Variants in TLX1 observed in about 807,000 individuals in gnomAD.
The protein encoded by TLX1 is T-cell leukemia homeobox protein 1.
In TLX1, 6 loss-of-function variants were observed where a neutral mutation model predicts 26.5. The ratio of observed to expected loss-of-function variants is 0.23; its 90% CI spans 0.12 to 0.45. TLX1 has a LOEUF of 0.45. Among genes scored for constraint, TLX1 ranks in the 20% least tolerant of loss-of-function variants. The pLI is 0.99. For synonymous variants in TLX1, 217 were observed against 219.7 expected (o/e 0.99, Z 0.11); for missense variants, 418 against 482.6 (o/e 0.87, Z 1.25).
chr10:101,135,297 C>A (rs1247051235), intron 2 of TLX1: 1 of 153,470 alleles, frequency 6.5e-6, no homozygotes, highest in Admixed American at 6.5e-5. Context: ...GGCGCCGAGA[C>A]GGGCGGGCCT....
In TLX1 at chr10:101,131,591, T is replaced by C. The variant is rs1940171505; in HGVS notation, c.50T>C (p.Ile17Thr). ...CTCCACCCGGGTCACGCAGAGCCCA[T>C]TAGCTTCGGCATCGACCAGATCCTC... is the stretch of plus-strand genomic sequence containing the variant. ...HHLHPGHAEP[I>T]SFGIDQILNS... Residue 17 changes from isoleucine to threonine, a missense_variant, in exon 1 of 3, where the codon ATT becomes ACT. Physicochemically the swap from Ile to Thr is moderately conservative, Grantham distance 89. Transcript: ENST00000370196. The C allele has an allele frequency of 2.6e-6, 4 of 1,562,568 alleles. No homozygotes were observed. The highest frequency in any genetic ancestry group is 5.2e-5 in the East Asian group (2 of 38,500).
rs1564677737 is a variant in TLX1, at chr10:101,136,719, G to C, written c.799G>C (p.Glu267Gln). 2 of 1,612,966 alleles carry C rather than the reference G, an allele frequency of 1.2e-6. No homozygotes were observed. Among genetic ancestry groups the C allele is most frequent in the Non-Finnish European group, 8.5e-7 (1 of 1,179,986 alleles). Residue 267 changes from glutamate (E) to glutamine (Q), a missense_variant, in exon 3 of 3, where the codon GAG (glutamate) becomes CAG (glutamine). Coordinates refer to ENST00000370196, the MANE Select transcript of TLX1 (RefSeq NM_005521.4). The stretch of plus-strand genomic sequence containing the variant: ...GCAGACTGCGGAGGAACGGGAGGCC[G>C]AGAGGCAGCAAGCGAACCGCATCCT... ...RRQTAEEREAERQQANRILLQ... is the reference protein window; with the variant it reads ...RRQTAEEREAQRQQANRILLQ...
In TLX1 at chr10:101,134,382, C is replaced by A. The variant is rs1450865417; in HGVS notation, c.770+6C>A. On this transcript the variant is annotated splice_donor_region_variant and intron_variant, in intron 2 of 2. Transcript: ENST00000370196. ...AACCGGCGGACAAAGTGGAGGTGAG[C>A]AAGCGGGGCGGGCCGGCCGCCCGCG... 6.4e-7 allele frequency: 1 copy of A among 1,566,582 alleles called. No individual in the cohort carries two copies. The highest frequency in any genetic ancestry group is 8.6e-7 in the Non-Finnish European group (1 of 1,159,146).
chr10:101,131,535 G>A lies in TLX1; in HGVS notation c.-7G>A, dbSNP rs779744037. On this transcript the variant is annotated 5_prime_UTR_variant, in exon 1 of 3. Coordinates refer to ENST00000370196, the MANE Select transcript of TLX1 (RefSeq NM_005521.4). Reference sequence around the variant, plus strand: ...CGCCCGGGCCCCCCGGTGGGGCCAGGGCCAGCATGGAGCACCTGGGTCCGC... The same window carrying A: ...CGCCCGGGCCCCCCGGTGGGGCCAGAGCCAGCATGGAGCACCTGGGTCCGC... 6.7e-7 allele frequency: 1 copy of A among 1,482,484 alleles called. No individual in the cohort carries two copies. The highest frequency in any genetic ancestry group is 8.9e-7 in the Non-Finnish European group (1 of 1,125,162). 91.8% of individuals were successfully genotyped at this position (1,482,484 alleles called of 1,614,324 possible). A position where few individuals can be genotyped will look rare whatever the true frequency, so the allele number is the denominator to read the frequency against.
rs1386844530 is a variant in TLX1, at chr10:101,137,710, A to T, written c.*797A>T. The T allele has an allele frequency of 4.3e-6, 1 of 230,698 alleles. No individual in the cohort carries two copies. Among genetic ancestry groups the T allele is most frequent in the Admixed American group, 5.7e-5 (1 of 17,678 alleles). 14.3% of individuals were successfully genotyped at this position (230,698 alleles called of 1,614,324 possible). Reference sequence around the variant, plus strand: ...GGGGGTGTTAATTTATGCACTTATAAGGTGTTTTCTGTGTAACCATTTTAT... The same window carrying T: ...GGGGGTGTTAATTTATGCACTTATATGGTGTTTTCTGTGTAACCATTTTAT... On this transcript the variant is annotated 3_prime_UTR_variant, in exon 3 of 3. Transcript: ENST00000370196.
At chr10:101,133,821 G>A (rs114292025) in intron 1 of TLX1, among the ~76,000 whole-genome samples, 1,632 of 152,296 alleles carry the variant, frequency 0.011, 39 homozygotes, top group African/African-American at 0.038. Context: ...GAAGGCCTGG[G>A]GCTGACTGAG....
chr10:101,131,735 C>T lies in TLX1; in HGVS notation c.194C>T (p.Ala65Val), dbSNP rs753834322. The part of the protein sequence containing the change: ...YTYGGGGSAA[A>V]TGAGGAGAYG... Reference sequence around the variant, plus strand: ...TACGGCGGCGGGGGCTCCGCGGCCGCGACGGGGGCTGGAGGAGCGGGGGCC... The same window carrying T: ...TACGGCGGCGGGGGCTCCGCGGCCGTGACGGGGGCTGGAGGAGCGGGGGCC... Residue 65 changes from alanine (A) to valine (V), a missense_variant, in exon 1 of 3, where the codon GCG (alanine) becomes GTG (valine). Ala to Val is a moderately conservative substitution (Grantham distance 64). This residue lies in a region of TLX1 where 322 missense variants were observed against 344.6 expected (regional missense o/e 0.93). Coordinates refer to ENST00000370196, the MANE Select transcript of TLX1 (RefSeq NM_005521.4). 4.3e-5 allele frequency: 62 copies of T among 1,438,852 alleles called. No individual in the cohort carries two copies. Among genetic ancestry groups the T allele is most frequent in the Non-Finnish European group, 5.1e-5 (56 of 1,101,928 alleles). The allele number at this position is 1,438,852 out of a possible 1,614,324, so 89.1% of individuals were successfully genotyped here.
Position 101,131,463 on chromosome 10 carries a change from C to G in TLX1, c.-79C>G, listed in dbSNP as rs1940167545. On this transcript the variant is annotated 5_prime_UTR_variant, in exon 1 of 3. Transcript: ENST00000370196. ...GCGCAGCCAGGAGCCGCTGTTGCCT[C>G]CCAGCCCCTGCTAGCTGCCCCCCGA... is the stretch of plus-strand genomic sequence containing the variant. 2.4e-6 allele frequency: 3 copies of G among 1,237,830 alleles called. No individual in the cohort carries two copies. In the African/African-American group the frequency reaches 4.7e-5, roughly 20 times the overall value. The allele number at this position is 1,237,830 out of a possible 1,614,324, so 76.7% of individuals were successfully genotyped here.
rs1400261562 is a variant in TLX1, at chr10:101,132,096, G to A, written c.555G>A (p.Lys185=). 4 of 1,417,596 alleles carry A rather than the reference G, an allele frequency of 2.8e-6. No homozygotes were observed. Among genetic ancestry groups the A allele is most frequent in the Non-Finnish European group, 3.7e-6 (4 of 1,086,862 alleles). The allele number at this position is 1,417,596 out of a possible 1,614,324, so 87.8% of individuals were successfully genotyped here. A position where few individuals can be genotyped will look rare whatever the true frequency, so the allele number is the denominator to read the frequency against. ...TGGAGAGTAACCGCAGATACACAAA[G>A]GACAGGTTCACAGGTGAGTCCGGCC... ...PWMESNRRYT[K]DRFTGHPYQN... is the part of the protein sequence containing the mutation. Residue 185 remains lysine, a synonymous_variant, in exon 1 of 3, where the codon AAG becomes AAA. Coordinates refer to ENST00000370196, the MANE Select transcript of TLX1 (RefSeq NM_005521.4). This position sits in a 1 kb window ranked among gnomAD's most constrained non-coding sequence, Gnocchi z 4.1.
In TLX1 at chr10:101,132,575, C is replaced by T. The variant is rs1590127200; in HGVS notation, c.568+466C>T. On this transcript the variant is annotated intron_variant, in intron 1 of 2. Transcript: ENST00000370196. This position sits in a 1 kb window ranked among gnomAD's most constrained non-coding sequence, Gnocchi z 4.1. ...ACCTCCAGTCCCCTACACACATGCACTTCGCGCCCCTAGCTCCGGTGCCCG... is the reference window on the plus strand; with the variant it reads ...ACCTCCAGTCCCCTACACACATGCATTTCGCGCCCCTAGCTCCGGTGCCCG... Among the ~76,000 whole-genome samples, 1 of 152,154 alleles carries T rather than the reference C, an allele frequency of 6.6e-6. No homozygotes were observed. The highest frequency in any genetic ancestry group is 1.9e-4 in the East Asian group (1 of 5,196).
At chr10:101,136,304 G>A (rs1940292481) in intron 2 of TLX1, among the ~76,000 whole-genome samples, 1 of 152,218 alleles carries the variant, frequency 6.6e-6, no homozygotes, top group Non-Finnish European at 1.5e-5. Flanking sequence ...GGTAGGGTGA[G>A]GGCCCTCTGG....
intron 2 of TLX1, among the ~76,000 whole-genome samples, chr10:101,135,193 T>C (rs1035280244): frequency 2.9e-5 from 3 of 102,576 alleles, no homozygotes; most frequent in Admixed American, 2.0e-4. Flanking sequence ...TCTGGCACGC[T>C]GCACCCTCCC....
intron 1 of TLX1, among the ~76,000 whole-genome samples, chr10:101,133,765 C>G (rs933107389): frequency 9.2e-5 from 14 of 152,150 alleles, no homozygotes; most frequent in Middle Eastern, 6.3e-3. Context: ...TGGATGGAGG[C>G]TCAGGTCGGG....
intron 2 of TLX1, 40 bp downstream of exon 2, chr10:101,134,416 G>T: frequency 6.7e-7 from 1 of 1,497,810 alleles, no homozygotes; most frequent in Non-Finnish European, 8.9e-7. Context: ...CGAGCGGCGC[G>T]GTCTCAGGCA....
At position 101,131,737 on chromosome 10, in the gene TLX1, A is replaced by G. The variant is rs1940176292; in HGVS notation, c.196A>G (p.Thr66Ala). Reference protein sequence around the residue: ...TYGGGGSAAATGAGGAGAYGT... With the variant: ...TYGGGGSAAAAGAGGAGAYGT... ...CGGCGGCGGGGGCTCCGCGGCCGCGACGGGGGCTGGAGGAGCGGGGGCCTA... is the reference window on the plus strand; with the variant it reads ...CGGCGGCGGGGGCTCCGCGGCCGCGGCGGGGGCTGGAGGAGCGGGGGCCTA... Residue 66 changes from threonine (T) to alanine (A), a missense_variant, in exon 1 of 3, where the codon ACG becomes GCG. Physicochemically the swap from Thr to Ala is moderately conservative, Grantham distance 58. Around this residue, in one of 3 missense-constraint regions of TLX1, gnomAD observed 322 missense variants for 344.6 expected, o/e 0.93. Transcript: ENST00000370196. 4 of 1,436,484 alleles carry G rather than the reference A, an allele frequency of 2.8e-6. No individual in the cohort carries two copies. The highest frequency in any genetic ancestry group is 9.1e-7 in the Non-Finnish European group (1 of 1,100,792). 89.0% of individuals were successfully genotyped at this position (1,436,484 alleles called of 1,614,324 possible).
chr10:101,134,023 C>A, intron 1 of TLX1, 152 bp from the exon 2 acceptor site: 3 of 692,854 alleles, frequency 4.3e-6, no homozygotes, highest in Non-Finnish European at 7.1e-6. Context: ...GGGAGGATCT[C>A]GGCCCTGCTC....
rs1405369068 is a variant in TLX1, at chr10:101,137,628, A to G, written c.*715A>G. ...ACATCCCAGCCCAATCCAGGTACGC[A>G]CAGACAGGTTTTCACATAAATGCAG... On this transcript the variant is annotated 3_prime_UTR_variant, in exon 3 of 3. Transcript: ENST00000370196. 1 of 233,898 alleles carries G rather than the reference A, an allele frequency of 4.3e-6. No individual in the cohort carries two copies. The highest frequency in any genetic ancestry group is 8.5e-6 in the Non-Finnish European group (1 of 118,326). The allele number at this position is 233,898 out of a possible 1,614,324, so 14.5% of individuals were successfully genotyped here. A position where few individuals can be genotyped will look rare whatever the true frequency, so the allele number is the denominator to read the frequency against.
At chr10:101,133,805 G>A (rs1564676414) in intron 1 of TLX1, among the ~76,000 whole-genome samples, 1 of 152,142 alleles carries the variant, frequency 6.6e-6, no homozygotes, top group Non-Finnish European at 1.5e-5. Flanking sequence ...CTCTTACTCT[G>A]AGCCTGAAGG....
chr10:101,132,082 C>G lies in TLX1; in HGVS notation c.541C>G (p.Arg181Gly). The G allele has an allele frequency of 7.0e-7, 1 of 1,433,774 alleles. No individual in the cohort carries two copies. Among genetic ancestry groups the G allele is most frequent in the Non-Finnish European group, 9.1e-7 (1 of 1,097,794 alleles). 88.8% of individuals were successfully genotyped at this position (1,433,774 alleles called of 1,614,324 possible). ...GLTFPWMESN[R>G]RYTKDRFTGH... ...CACCTTCCCCTGGATGGAGAGTAAC[C>G]GCAGATACACAAAGGACAGGTTCAC... Residue 181 changes from arginine (R) to glycine (G), a missense_variant, in exon 1 of 3, where the codon CGC (arginine) becomes GGC (glycine). Physicochemically the swap from Arg to Gly is moderately radical, Grantham distance 125. Around this residue, in one of 3 missense-constraint regions of TLX1, gnomAD observed 322 missense variants for 344.6 expected, o/e 0.93. Transcript: ENST00000370196. The surrounding 1 kb of genome is among the most constrained non-coding windows in gnomAD (Gnocchi z 4.1).
Sources: gnomAD v4.1 joint callset for allele counts (sites outside exome capture counted in the v4.1 genomes callset) on GRCh38, gnomAD v4.1.1 for gene constraint, gnomAD v4.1.1 regional missense constraint, Gnocchi (gnomAD v3.1) non-coding constraint, MANE v1.5 for transcripts, NCBI Gene and HGNC (gene_info 2026-07-23, HGNC 2026-07-21) for gene names.